The following ADCK1 variants were observed in gnomAD, a reference collection of about 807,000 sequenced individuals.
ADCK1 encodes the protein aarF domain-containing protein kinase 1.
ADCK1 carries 41 observed loss-of-function variants against 52.3 expected under a neutral mutation model. The ratio of observed to expected loss-of-function variants is 0.78; its 90% CI spans 0.61 to 1.02. ADCK1 has a LOEUF of 1.02. Among genes scored for constraint, ADCK1 ranks in the 50% least tolerant of loss-of-function variants. The pLI, the probability that ADCK1 is intolerant of heterozygous loss-of-function variation, is 0.00. For synonymous variants in ADCK1, 250 were observed against 274.6 expected, an observed-to-expected ratio of 0.91 and a Z score of 0.89; for missense variants, 658 against 679.5, an observed-to-expected ratio of 0.97 and a Z score of 0.35.
At chr14:77,900,754 GAT>G (rs1566717839) in intron 6 of ADCK1, 2 of 365,534 alleles carry the variant, frequency 5.5e-6, no homozygotes, top group East Asian at 1.5e-4. Flanking sequence ...TCTCGCAGAT[GAT>G]AGTACACATA....
At chr14:77,883,107 G>A (rs952291290) in intron 4 of ADCK1, among the ~76,000 whole-genome samples, 2 of 151,946 alleles carry the variant, frequency 1.3e-5, no homozygotes, top group Admixed American at 6.6e-5. Flanking sequence ...CAGGGACATC[G>A]ATATATTTGA....
In ADCK1 at chr14:77,804,021, C is replaced by T. The variant is rs1322644287; in HGVS notation, c.-12+3851C>T. Among the ~76,000 whole-genome samples, 8 of 152,260 alleles carry T rather than the reference C, an allele frequency of 5.3e-5. 1 individual carries two copies. The South Asian group carries it at 1.0e-3, about 20-fold the overall frequency. On this transcript the variant is annotated intron_variant, in intron 1 of 10. Transcript: ENST00000238561. Reference sequence around the variant, plus strand: ...CTGGGGATGGTAATAATATTTGTCTCTCCTCACTGGGTTGTGTGGAATATC... The same window carrying T: ...CTGGGGATGGTAATAATATTTGTCTTTCCTCACTGGGTTGTGTGGAATATC...
intron 1 of ADCK1, among the ~76,000 whole-genome samples, chr14:77,816,881 A>AATATATAT (rs71128689): frequency 0.012 from 1,355 of 109,984 alleles, 60 homozygotes; most frequent in African/African-American, 0.03. Flanking sequence ...GTAGATGGTA[A>AATATATAT]ATATATATAT....
intron 4 of ADCK1, among the ~76,000 whole-genome samples, chr14:77,870,912 AG>A (rs1321200456): frequency 1.3e-5 from 2 of 152,290 alleles, no homozygotes; most frequent in South Asian, 2.1e-4. Context: ...CAGTATGGGC[AG>A]GGTGGATGTG....
chr14:77,877,090 C>G (rs1345188785), intron 4 of ADCK1, among the ~76,000 whole-genome samples: 1 of 152,232 alleles, frequency 6.6e-6, no homozygotes, highest in African/African-American at 2.4e-5. Flanking sequence ...TGATGCGCAC[C>G]TGTAGTCCCA....
chr14:77,906,897 A>G (rs1169049738), intron 6 of ADCK1, among the ~76,000 whole-genome samples: 1 of 152,164 alleles, frequency 6.6e-6, no homozygotes, highest in Non-Finnish European at 1.5e-5. Flanking sequence ...ACTATAAAGC[A>G]GGCAAGGAAA....
At chr14:77,835,000 A>G (rs2081931573) in intron 3 of ADCK1, among the ~76,000 whole-genome samples, 1 of 152,152 alleles carries the variant, frequency 6.6e-6, no homozygotes, top group South Asian at 2.1e-4. Context: ...AACCTCCAGC[A>G]GTTTTCTGAC....
chr14:77,913,885 G>T (rs775520376), intron 7 of ADCK1, among the ~76,000 whole-genome samples: 3 of 151,606 alleles, frequency 2.0e-5, no homozygotes, highest in Non-Finnish European at 2.9e-5. Context: ...GCTCCTCAGT[G>T]GTCATTATGT....
intron 3 of ADCK1, among the ~76,000 whole-genome samples, chr14:77,844,589 T>G (rs560669136): frequency 6.6e-6 from 1 of 152,168 alleles, no homozygotes; most frequent in South Asian, 2.1e-4. Context: ...AGACTCGGTC[T>G]GTGTAACTCA....
intron 5 of ADCK1, among the ~76,000 whole-genome samples, chr14:77,895,614 G>T (rs1363969201): frequency 6.6e-6 from 1 of 152,240 alleles, no homozygotes; most frequent in East Asian, 1.9e-4. Flanking sequence ...AAATTGAAAT[G>T]AATCTGCTTA....
chr14:77,871,092 T>G (rs2082766616), intron 4 of ADCK1, among the ~76,000 whole-genome samples: 1 of 152,214 alleles, frequency 6.6e-6, no homozygotes, highest in African/African-American at 2.4e-5. Context: ...AATACATGCT[T>G]GTCTTAGTTT....
chr14:77,886,963 T>C, intron 4 of ADCK1, 128 bp from the exon 5 acceptor site: 1 of 1,022,498 alleles, frequency 9.8e-7, no homozygotes, highest in East Asian at 2.7e-5. Flanking sequence ...ACACACACTC[T>C]CTCTCTCTTT....
chr14:77,800,365 C>T (rs1019994029), intron 1 of ADCK1, among the ~76,000 whole-genome samples, 195 bp downstream of exon 1: 1 of 152,258 alleles, frequency 6.6e-6, no homozygotes, highest in Non-Finnish European at 1.5e-5. Flanking sequence ...CGCGCGGCCA[C>T]GTGGCTCGGG....
intron 3 of ADCK1, among the ~76,000 whole-genome samples, chr14:77,836,431 G>T (rs550046680): frequency 4.7e-4 from 71 of 152,328 alleles, no homozygotes; most frequent in African/African-American, 1.7e-3. Context: ...AAATACCATT[G>T]TTATCATCCC....
chr14:77,873,950 T>C (rs1220353275), intron 4 of ADCK1, among the ~76,000 whole-genome samples: 1 of 152,228 alleles, frequency 6.6e-6, no homozygotes, highest in East Asian at 1.9e-4. Context: ...TACAGGATCA[T>C]GGCATTAGAA....
At chr14:77,873,652 C>T (rs2082835274) in intron 4 of ADCK1, among the ~76,000 whole-genome samples, 1 of 152,190 alleles carries the variant, frequency 6.6e-6, no homozygotes, top group Non-Finnish European at 1.5e-5. Flanking sequence ...CTCCCTCATC[C>T]TGTTCTTGTG....
intron 3 of ADCK1, among the ~76,000 whole-genome samples, chr14:77,844,680 C>T (rs1431026773): frequency 6.6e-6 from 1 of 152,184 alleles, no homozygotes; most frequent in Non-Finnish European, 1.5e-5. Context: ...GTGTGACAGA[C>T]TGTCCATCTT....
intron 5 of ADCK1, among the ~76,000 whole-genome samples, chr14:77,896,621 G>A (rs1029983023): frequency 6.6e-6 from 1 of 152,224 alleles, no homozygotes; most frequent in African/African-American, 2.4e-5. Context: ...TCTGGTTGCT[G>A]CCAAGGGCCA....
intron 7 of ADCK1, among the ~76,000 whole-genome samples, chr14:77,909,127 CTTTTTTTT>C (rs55821210): frequency 9.7e-6 from 1 of 103,320 alleles, no homozygotes; most frequent in Admixed American, 1.1e-4. Flanking sequence ...GAGGTAAATG[CTTTTTTTT>C]TTTTTTTTTT....
Sources: allele counts gnomAD v4.1 joint callset (sites outside exome capture counted in the v4.1 genomes callset), GRCh38; gene constraint gnomAD v4.1.1; transcripts MANE v1.5; gene names NCBI Gene and HGNC (gene_info 2026-07-23, HGNC 2026-07-21).